CPS1: variants seen among roughly 807,000 people sequenced by gnomAD.
CPS1 encodes carbamoyl-phosphate synthase [ammonia], mitochondrial.
Under a neutral mutation model 174.6 loss-of-function variants are expected in CPS1, and 109 were observed. That is an observed-to-expected ratio of 0.62 (90% confidence interval 0.53 to 0.73). CPS1 has a LOEUF of 0.73. Among genes scored for constraint, CPS1 ranks in the 30% least tolerant of loss-of-function variants. The pLI is 0.00. For missense variants in CPS1, 1,689 were observed against 1,821.9 expected (o/e 0.93, Z 1.33); for synonymous variants, 637 against 632.0 (o/e 1.01, Z -0.12).
At chr2:210,521,505 T>C (rs1574489265) in intron 1 of CPS1, among the ~76,000 whole-genome samples, 1 of 152,074 alleles carries the variant, frequency 6.6e-6, no homozygotes, top group South Asian at 2.1e-4. Context: ...TTTCACATAG[T>C]TTTCTGTTAA....
chr2:210,598,610 A>G (rs1255132991), intron 13 of CPS1, among the ~76,000 whole-genome samples: 1 of 151,946 alleles, frequency 6.6e-6, no homozygotes, highest in Non-Finnish European at 1.5e-5. Context: ...TTAAAAACAG[A>G]CAAAGAAGGG....
chr2:210,608,595 C>G, intron 19 of CPS1, 36 bp downstream of exon 19: 1 of 1,597,318 alleles, frequency 6.3e-7, no homozygotes, highest in Non-Finnish European at 8.6e-7. Context: ...TCTTCTTGTT[C>G]TCAGTTATTT....
intron 23 of CPS1, among the ~76,000 whole-genome samples, chr2:210,639,589 G>A (rs1434170273): frequency 7.3e-6 from 1 of 136,884 alleles, no homozygotes; most frequent in African/African-American, 2.8e-5. Context: ...TCCGCAGTCC[G>A]GCCTGGGCGA....
At chr2:210,609,529 G>T (rs969610638) in intron 19 of CPS1, among the ~76,000 whole-genome samples, 4 of 151,920 alleles carry the variant, frequency 2.6e-5, no homozygotes, top group Admixed American at 6.6e-5. Context: ...CATCATTATT[G>T]TTATTATTAA....
At chr2:210,497,701 C>T (rs1026090852) in intron 1 of CPS1, among the ~76,000 whole-genome samples, 8 of 151,752 alleles carry the variant, frequency 5.3e-5, no homozygotes, top group Non-Finnish European at 1.2e-4. Flanking sequence ...GCTGCATCCA[C>T]GTTGCTGGAA....
intron 16 of CPS1, among the ~76,000 whole-genome samples, chr2:210,604,643 CTCA>C (rs780701628): frequency 4.6e-5 from 7 of 151,900 alleles, no homozygotes; most frequent in Admixed American, 3.3e-4. Context: ...CTTTCTCCTC[CTCA>C]TCAACATCAA....
In CPS1 at chr2:210,582,715, G is replaced by A. The variant is rs764296217; in HGVS notation, c.621+6G>A. The A allele has an allele frequency of 2.5e-6, 4 of 1,601,616 alleles. No individual in the cohort carries two copies. Among genetic ancestry groups the A allele is most frequent in the Admixed American group, 1.7e-5 (1 of 59,922 alleles). On this transcript the variant is annotated splice_donor_region_variant and intron_variant, in intron 6 of 37. Transcript: ENST00000233072. ...TTGCTGAGGTTTCAACCAAGGTGAGGGGTTTTCCTTTATATTTTGTAGTTT... is the reference window on the plus strand; with the variant it reads ...TTGCTGAGGTTTCAACCAAGGTGAGAGGTTTTCCTTTATATTTTGTAGTTT...
intron 1 of CPS1, among the ~76,000 whole-genome samples, chr2:210,565,832 TTGAC>T (rs1375059667): frequency 2.0e-5 from 3 of 152,192 alleles, no homozygotes; most frequent in African/African-American, 4.8e-5. Context: ...CATAAGGACT[TTGAC>T]TGATCATTTG....
intron 23 of CPS1, among the ~76,000 whole-genome samples, chr2:210,639,788 A>T (rs1448180716): frequency 2.6e-5 from 4 of 152,192 alleles, no homozygotes; most frequent in Non-Finnish European, 5.9e-5. Context: ...ATGACTATTT[A>T]ATTTAAAAAA....
intron 24 of CPS1, among the ~76,000 whole-genome samples, chr2:210,640,748 ATTAC>A (rs1700196772): frequency 6.6e-6 from 1 of 152,194 alleles, no homozygotes; most frequent in Non-Finnish European, 1.5e-5. Flanking sequence ...ATCTTATTCT[ATTAC>A]TTTAAGCATA....
At chr2:210,617,950 T>A (rs1699367688) in intron 21 of CPS1, 1 of 151,982 alleles carries the variant, frequency 6.6e-6, no homozygotes, top group Admixed American at 6.6e-5. Flanking sequence ...ACTTATAGTA[T>A]GCCAGTCACA....
intron 1 of CPS1, among the ~76,000 whole-genome samples, chr2:210,491,307 G>GGTTTTTTTTTTTTTTTTTTT (rs1694868000): frequency 2.0e-5 from 1 of 50,342 alleles, no homozygotes; most frequent in African/African-American, 1.0e-4. Flanking sequence ...TGGTATCTGT[G>GGTTTTTTTTTTTTTTTTTTT]TTTTTTTTTT....
intron 1 of CPS1, among the ~76,000 whole-genome samples, chr2:210,503,663 C>T (rs911657462): frequency 4.6e-5 from 7 of 152,100 alleles, no homozygotes; most frequent in African/African-American, 9.7e-5. Context: ...AATCCAAAAA[C>T]GATACCTACA....
At chr2:210,622,108 C>A (rs572665173) in intron 21 of CPS1, among the ~76,000 whole-genome samples, 3 of 151,476 alleles carry the variant, frequency 2.0e-5, no homozygotes, top group African/African-American at 7.2e-5. Context: ...TAATTATATT[C>A]TTATATACTT....
chr2:210,593,768 C>A, intron 11 of CPS1: 1 of 649,026 alleles, frequency 1.5e-6, no homozygotes, highest in Non-Finnish European at 1.9e-6. Flanking sequence ...ATATTTTGTT[C>A]TTGTTTTAAT....
intron 32 of CPS1, among the ~76,000 whole-genome samples, chr2:210,662,010 A>G (rs545467492): frequency 6.7e-5 from 10 of 149,748 alleles, no homozygotes; most frequent in Non-Finnish European, 1.2e-4. Context: ...GGTTCAAGCA[A>G]TTCTCCCCCT....
upstream of CPS1, among the ~76,000 whole-genome samples, chr2:210,554,197 ATATATG>A: frequency 7.1e-6 from 1 of 140,804 alleles, no homozygotes; most frequent in African/African-American, 2.7e-5. Flanking sequence ...ACACACATAT[ATATATG>A]TATGTATATA....
chr2:210,641,869 C>T (rs1045167163), intron 24 of CPS1, among the ~76,000 whole-genome samples: 4 of 152,304 alleles, frequency 2.6e-5, no homozygotes, highest in Admixed American at 6.5e-5. Context: ...TCCCAGTAGA[C>T]GTGATATTTT....
chr2:210,501,147 G>T (rs1202772265), intron 1 of CPS1, among the ~76,000 whole-genome samples: 1 of 152,120 alleles, frequency 6.6e-6, no homozygotes. Context: ...TCTCTAGGCT[G>T]CACACATCGG....
Sources: allele counts gnomAD v4.1 joint callset (sites outside exome capture counted in the v4.1 genomes callset), GRCh38; gene constraint gnomAD v4.1.1; transcripts MANE v1.5; gene names NCBI Gene and HGNC (gene_info 2026-07-23, HGNC 2026-07-21).